The following JAG2 variants were observed in gnomAD, a reference collection of about 807,000 sequenced individuals.
The protein encoded by JAG2 is jagged canonical Notch ligand 2.
In JAG2, 46 loss-of-function variants were observed where a neutral mutation model predicts 141.7. The observed-to-expected ratio is 0.32, with a 90% CI of 0.26 to 0.42. The LOEUF (loss-of-function observed/expected upper bound fraction) is 0.42, where lower values mean the gene tolerates loss of function less well. Ranked by LOEUF, JAG2 falls within the 10% of genes least tolerant of loss-of-function variation. JAG2 has a pLI of 1.00. For missense variants in JAG2, 1,500 were observed against 1,817.5 expected, an observed-to-expected ratio of 0.83 and a Z score of 3.18; for synonymous variants, 862 against 763.5, an observed-to-expected ratio of 1.13 and a Z score of -2.13.
intron 24 of JAG2, among the ~76,000 whole-genome samples, chr14:105,144,381 A>G (rs1595172000): frequency 6.6e-6 from 1 of 150,780 alleles, no homozygotes; most frequent in Non-Finnish European, 1.5e-5. Context: ...GCCTCAGGGC[A>G]CCAAAACACT....
Position 105,152,234 on chromosome 14 carries a change from G to A in JAG2, c.846C>T (p.Cys282=), listed in dbSNP as rs1487916026. The change falls in exon 6 of 26, where the codon TGC becomes TGT. Residue 282 remains cysteine, a synonymous_variant. Coordinates refer to ENST00000331782, the MANE Select transcript of JAG2 (RefSeq NM_002226.5). The part of the protein sequence containing the change: ...FCDECVPYPG[C]VHGSCVEPWQ... ...AGGGCTCCACACAACTGCCATGCAC[G>A]CAGCCGGGGTAGGGGACACACTCAT... 17 of 1,613,462 alleles carry A rather than the reference G, an allele frequency of 1.1e-5. No individual in the cohort carries two copies. The highest frequency in any genetic ancestry group is 1.4e-5 in the Non-Finnish European group (17 of 1,180,030).
intron 6 of JAG2, 45 bp from the exon 7 acceptor site, chr14:105,152,102 C>T (rs1334009111): frequency 3.7e-6 from 6 of 1,613,316 alleles, no homozygotes; most frequent in Non-Finnish European, 5.1e-6. Context: ...CGGCCCCCCG[C>T]TCCCCCACAA....
chr14:105,151,837 G>A (rs1888442239), intron 7 of JAG2, 98 bp from the exon 8 acceptor site: 1 of 1,603,766 alleles, frequency 6.2e-7, no homozygotes, highest in Non-Finnish European at 8.5e-7. Flanking sequence ...CTGGGGGTCA[G>A]GGGCCCACCA....
Position 105,157,753 on chromosome 14 carries a change from G to A in JAG2, c.428C>T (p.Thr143Ile), listed in dbSNP as rs1288433924. ...CCAGTCCCAGGCCTCCACGATGAGG[G>A]TAAAGGAGCGCTGCAGACATGGGGA... ...PFQFAWPRSF[T>I]LIVEAWDWDN... is the part of the protein sequence containing the mutation. Residue 143 changes from threonine to isoleucine, a missense_variant, in exon 3 of 26, where the codon ACC becomes ATC. Coordinates refer to ENST00000331782, the MANE Select transcript of JAG2 (RefSeq NM_002226.5). 6.3e-7 allele frequency: 1 copy of A among 1,577,390 alleles called. No homozygotes were observed. Among genetic ancestry groups the A allele is most frequent in the Non-Finnish European group, 8.6e-7 (1 of 1,163,252 alleles).
chr14:105,147,727 T>C lies in JAG2; in HGVS notation c.2365+45A>G, dbSNP rs1165373343. On this transcript the variant is annotated intron_variant, in intron 18 of 25. Transcript: ENST00000331782. ...GCGAGTCGGGGGCAGGGATGTCATC[T>C]GGGTGGAGGAAAGCGGCCCCCGCCC... 11 of 1,370,918 alleles carry C rather than the reference T, an allele frequency of 8.0e-6. No homozygotes were observed. In the East Asian group the frequency reaches 2.2e-4, roughly 28 times the overall value. 84.9% of individuals were successfully genotyped at this position (1,370,918 alleles called of 1,614,324 possible).
At chr14:105,147,934 T>A in intron 17 of JAG2, 46 bp from the exon 18 acceptor site, 1 of 1,431,110 alleles carries the variant, frequency 7.0e-7, no homozygotes, top group Non-Finnish European at 9.6e-7. Flanking sequence ...GGCCCTGGGC[T>A]GGCCCTGGGT....
At chr14:105,163,036 C>T (rs1168474142) in intron 2 of JAG2, among the ~76,000 whole-genome samples, 2 of 150,384 alleles carry the variant, frequency 1.3e-5, no homozygotes, top group African/African-American at 2.5e-5. Context: ...CAGGGCCCTG[C>T]ACGGTCCAGG....
At chr14:105,146,823 A>G in intron 20 of JAG2, 99 bp from the exon 21 acceptor site, 1 of 954,808 alleles carries the variant, frequency 1.0e-6, no homozygotes, top group Non-Finnish European at 1.6e-6. Flanking sequence ...ACACAGGCGC[A>G]AGCCCCAGGA....
At chr14:105,163,543 T>A (rs1464421776) in intron 2 of JAG2, among the ~76,000 whole-genome samples, 1 of 151,208 alleles carries the variant, frequency 6.6e-6, no homozygotes, top group African/African-American at 2.4e-5. Flanking sequence ...GGGATAGGAA[T>A]CCCGCTCAGG....
At chr14:105,143,461 G>T in intron 25 of JAG2, 21 bp downstream of exon 25, 1 of 1,542,882 alleles carries the variant, frequency 6.5e-7, no homozygotes. Context: ...GCCTTCCCAG[G>T]GGCCCACCTC....
At chr14:105,147,676 G>C in intron 18 of JAG2, 96 bp downstream of exon 18, 2 of 1,074,390 alleles carry the variant, frequency 1.9e-6, no homozygotes, top group East Asian at 2.6e-5. Flanking sequence ...GCAGCAGGGG[G>C]AGGGGCTGGC....
At chr14:105,161,406 C>T (rs1349671001) in intron 2 of JAG2, among the ~76,000 whole-genome samples, 1 of 152,200 alleles carries the variant, frequency 6.6e-6, no homozygotes, top group African/African-American at 2.4e-5. Flanking sequence ...TCTCCCGGCA[C>T]AGCCACACCT....
rs779586614 is a variant in JAG2 at position 105,145,956 on chromosome 14, C to T, written c.2727G>A (p.Lys909=). 1.3e-6 allele frequency: 2 copies of T among 1,590,872 alleles called. No individual in the cohort carries two copies. Among genetic ancestry groups the T allele is most frequent in the Non-Finnish European group, 1.7e-6 (2 of 1,170,612 alleles). The part of the protein sequence containing the change: ...RDCSKVWCGW[K]PCLLAGQPEA... The stretch of plus-strand genomic sequence containing the variant: ...CGGGCTGGCCGGCCAGCAGACAAGG[C>T]TTCCATCCGCACCACACCTGGGCAG... The change falls in exon 23 of 26, where the codon AAG becomes AAA. Residue 909 remains lysine (K), a synonymous_variant. Transcript: ENST00000331782.
rs370150186 is a variant in JAG2, at chr14:105,151,420, G to A, written c.1154-24C>T. The A allele has an allele frequency of 1.0e-4, 163 of 1,597,428 alleles. 1 individual carries two copies. The African/African-American group carries it at 1.9e-3, about 19-fold the overall frequency. On this transcript the variant is annotated intron_variant, in intron 8 of 25. Transcript: ENST00000331782. ...GTCTGCAGAGGGTGGAGAAAGGTGG[G>A]GCCCTGGCAGTGTGAGCCGTGGGAA...
In JAG2 at chr14:105,143,010, G is replaced by C; in HGVS notation, c.3402C>G (p.Ile1134Met). 1 of 1,607,140 alleles carries C rather than the reference G, an allele frequency of 6.2e-7. No individual in the cohort carries two copies. Among genetic ancestry groups the C allele is most frequent in the South Asian group, 1.1e-5 (1 of 91,056 alleles). ...CCCCCGGCCGCTCAATGGGGTTGCG[G>C]ATGGGGTTGAGCGGGGCCCACTGGT... The part of the protein sequence containing the change: ...ANNQWAPLNP[I>M]RNPIERPGGH... The change falls in exon 26 of 26, where the codon ATC becomes ATG. Residue 1134 changes from isoleucine to methionine, a missense_variant. Physicochemically the swap from Ile to Met is conservative, Grantham distance 10. This residue lies in a region of JAG2 where 425 missense variants were observed against 441.0 expected (regional missense o/e 0.96). Coordinates refer to ENST00000331782, the MANE Select transcript of JAG2 (RefSeq NM_002226.5).
chr14:105,143,906 T>G (rs1420081056), intron 24 of JAG2, among the ~76,000 whole-genome samples: 131 of 44,354 alleles, frequency 3.0e-3, no homozygotes, highest in Non-Finnish European at 3.5e-3. Context: ...CAGCGAGCAG[T>G]GGGGGGAAGG....
chr14:105,144,267 G>A (rs866395913), intron 24 of JAG2, among the ~76,000 whole-genome samples: 5 of 150,002 alleles, frequency 3.3e-5, no homozygotes, highest in African/African-American at 1.2e-4. Flanking sequence ...CCACATCCCT[G>A]ATGGCGCCCT....
At position 105,142,326 on chromosome 14, in the gene JAG2, CCA is replaced by C. The variant is rs1221737179; in HGVS notation, c.*367_*368del. 4.5e-6 allele frequency: 1 copy of C among 220,202 alleles called. No homozygotes were observed. The highest frequency in any genetic ancestry group is 9.0e-6 in the Non-Finnish European group (1 of 111,536). 13.6% of individuals were successfully genotyped at this position (220,202 alleles called of 1,614,324 possible). On this transcript the variant is annotated 3_prime_UTR_variant, in exon 26 of 26. Coordinates refer to ENST00000331782, the MANE Select transcript of JAG2 (RefSeq NM_002226.5). ...GTCTCACCGGCACTTTGGCCTGGAG[CCA>C]CAGAGAAACCCGAGTGAGGAATAAA... is the stretch of plus-strand genomic sequence containing the variant.
At chr14:105,147,969 A>G in intron 17 of JAG2, 81 bp from the exon 18 acceptor site, 1 of 1,223,570 alleles carries the variant, frequency 8.2e-7, no homozygotes, top group Non-Finnish European at 1.2e-6. Context: ...CCCAACCCAG[A>G]CAGGGCAGAC....
Sources: gnomAD v4.1 joint callset for allele counts (sites outside exome capture counted in the v4.1 genomes callset) on GRCh38, gnomAD v4.1.1 for gene constraint, gnomAD v4.1.1 regional missense constraint, MANE v1.5 for transcripts, NCBI Gene and HGNC (gene_info 2026-07-23, HGNC 2026-07-21) for gene names.